TET1: variants seen among roughly 807,000 people sequenced by gnomAD.
TET1 encodes tet methylcytosine dioxygenase 1.
In TET1, 13 loss-of-function variants were observed where a neutral mutation model predicts 148.7. The ratio of observed to expected loss-of-function variants is 0.09; its 90% confidence interval spans 0.06 to 0.14. TET1 has a LOEUF of 0.14. TET1 is among the 10% of genes least tolerant of loss of function. TET1 has a pLI of 1.00. For missense variants in TET1, 2,182 were observed against 2,553.8 expected, an observed-to-expected ratio of 0.85 and a Z score of 3.14; for synonymous variants, 907 against 937.2, an observed-to-expected ratio of 0.97 and a Z score of 0.59.
chr10:68,584,414 A>G (rs2053836979), intron 2 of TET1, among the ~76,000 whole-genome samples: 1 of 151,990 alleles, frequency 6.6e-6, no homozygotes, highest in Non-Finnish European at 1.5e-5. Flanking sequence ...TTAAAAGAAA[A>G]AAAAAGAAAA....
intron 7 of TET1, among the ~76,000 whole-genome samples, chr10:68,668,797 T>C (rs1177575743): frequency 2.0e-5 from 3 of 152,196 alleles, no homozygotes; most frequent in Non-Finnish European, 2.9e-5. Context: ...GGCAACATAG[T>C]AAGACTCCAT....
chr10:68,609,053 G>C (rs767616016), intron 3 of TET1, among the ~76,000 whole-genome samples: 56 of 151,890 alleles, frequency 3.7e-4, no homozygotes, highest in Non-Finnish European at 1.9e-4. Context: ...ACCTAGGCTG[G>C]AGTGCAGTGG....
chr10:68,660,165 G>A (rs16925584), intron 6 of TET1, among the ~76,000 whole-genome samples: 27,694 of 151,960 alleles, frequency 0.18, 3,147 homozygotes, highest in African/African-American at 0.31. Context: ...GTGCACTGAC[G>A]AATCACCCTA....
chr10:68,641,213 T>C (rs1422955529), intron 3 of TET1, among the ~76,000 whole-genome samples: 5 of 152,050 alleles, frequency 3.3e-5, no homozygotes, highest in Admixed American at 1.3e-4. Context: ...TTCTTTTTTT[T>C]CTTTTTGAGT....
chr10:68,579,155 A>G (rs1216620241), intron 2 of TET1, among the ~76,000 whole-genome samples: 1 of 152,088 alleles, frequency 6.6e-6, no homozygotes, highest in East Asian at 1.9e-4. Context: ...TAGTAGAGAG[A>G]CCTCCCTTGT....
chr10:68,570,380 C>T (rs900410507), intron 1 of TET1, among the ~76,000 whole-genome samples: 4 of 152,110 alleles, frequency 2.6e-5, no homozygotes, highest in Non-Finnish European at 4.4e-5. Flanking sequence ...GCTGGGATTA[C>T]AGGCGTGAGC....
chr10:68,570,723 G>A (rs983411518), intron 1 of TET1, among the ~76,000 whole-genome samples: 3 of 151,372 alleles, frequency 2.0e-5, no homozygotes, highest in African/African-American at 7.3e-5. Context: ...TCCGCCTCCC[G>A]GGTTCACGCC....
chr10:68,600,881 TATAA>T, intron 2 of TET1, 96 bp from the exon 3 acceptor site: 2 of 876,570 alleles, frequency 2.3e-6, no homozygotes, highest in Non-Finnish European at 3.7e-6. Context: ...TTTTAAATGG[TATAA>T]ATAGTTTTAC....
chr10:68,607,419 T>TG (rs1026014827), intron 3 of TET1, among the ~76,000 whole-genome samples: 2 of 151,834 alleles, frequency 1.3e-5, no homozygotes, highest in African/African-American at 4.8e-5. Flanking sequence ...TTTTTTTTTT[T>TG]TGTTTTTTTT....
At chr10:68,630,960 A>G (rs1200832148) in intron 3 of TET1, among the ~76,000 whole-genome samples, 1 of 150,812 alleles carries the variant, frequency 6.6e-6, no homozygotes, top group Non-Finnish European at 1.5e-5. Flanking sequence ...GAGGATCCCT[A>G]GAGCCCAGGA....
chr10:68,681,624 C>T (rs1342305186), intron 9 of TET1, 136 bp downstream of exon 9: 2 of 538,268 alleles, frequency 3.7e-6, no homozygotes, highest in Non-Finnish European at 6.4e-6. Flanking sequence ...CTGCCTCACC[C>T]TCCAAAAATG....
At chr10:68,596,751 T>C (rs1266758481) in intron 2 of TET1, among the ~76,000 whole-genome samples, 1 of 152,192 alleles carries the variant, frequency 6.6e-6, no homozygotes, top group Non-Finnish European at 1.5e-5. Context: ...TTAATGTTAG[T>C]TCTGATCACA....
At chr10:68,649,379 G>A (rs975302697) in intron 4 of TET1, among the ~76,000 whole-genome samples, 3 of 152,042 alleles carry the variant, frequency 2.0e-5, no homozygotes, top group Admixed American at 6.6e-5. Flanking sequence ...AGGCCGAGGC[G>A]GGCAGATCAC....
chr10:68,630,471 C>A (rs779041198), intron 3 of TET1, among the ~76,000 whole-genome samples: 1 of 152,188 alleles, frequency 6.6e-6, no homozygotes, highest in Non-Finnish European at 1.5e-5. Context: ...CCTGCCACCA[C>A]GCCCAGCTCA....
At position 68,646,747 on chromosome 10, in the gene TET1, A is replaced by G. The variant is rs779614743; in HGVS notation, c.4018A>G (p.Ile1340Val). The change falls in exon 4 of 12, where the codon ATC becomes GTC. Residue 1340 changes from isoleucine to valine, a missense_variant. Physicochemically the swap from Ile to Val is conservative, Grantham distance 29. This residue lies in a region of TET1 where 582 missense variants were observed against 599.5 expected (regional missense o/e 0.97). Coordinates refer to ENST00000373644, the MANE Select transcript of TET1 (RefSeq NM_030625.3). ...TCAGAGACTGCCAACATTGCCTGGTATCTCTCATGAAACACCCTTACCGGA... is the reference window on the plus strand; with the variant it reads ...TCAGAGACTGCCAACATTGCCTGGTGTCTCTCATGAAACACCCTTACCGGA... ...MHQRLPTLPG[I>V]SHETPLPESA... 6.2e-7 allele frequency: 1 copy of G among 1,614,174 alleles called. No individual in the cohort carries two copies. The highest frequency in any genetic ancestry group is 1.7e-5 in the Admixed American group (1 of 60,020).
At chr10:68,580,293 A>T (rs2053778104) in intron 2 of TET1, among the ~76,000 whole-genome samples, 1 of 142,638 alleles carries the variant, frequency 7.0e-6, no homozygotes, top group Non-Finnish European at 1.5e-5. Context: ...GTATGAACCA[A>T]TGCATTTTTA....
chr10:68,601,077 T>C, intron 3 of TET1, 43 bp downstream of exon 3: 1 of 1,538,528 alleles, frequency 6.5e-7, no homozygotes, highest in Non-Finnish European at 8.8e-7. Flanking sequence ...ATTTTTCCAT[T>C]TCATATAGTA....
intron 3 of TET1, among the ~76,000 whole-genome samples, chr10:68,633,235 T>G (rs140661135): frequency 6.6e-6 from 1 of 152,184 alleles, no homozygotes; most frequent in African/African-American, 2.4e-5. Flanking sequence ...GCCTTCTATA[T>G]TGAGCCTTTA....
intron 6 of TET1, among the ~76,000 whole-genome samples, chr10:68,656,616 T>C (rs1205813807): frequency 6.6e-6 from 1 of 152,260 alleles, no homozygotes; most frequent in African/African-American, 2.4e-5. Flanking sequence ...GTTATCTTAC[T>C]TAAAATATTC....
Sources: gnomAD v4.1 joint callset for allele counts (sites outside exome capture counted in the v4.1 genomes callset) on GRCh38, gnomAD v4.1.1 for gene constraint, gnomAD v4.1.1 regional missense constraint, MANE v1.5 for transcripts, NCBI Gene and HGNC (gene_info 2026-07-23, HGNC 2026-07-21) for gene names.